TEAD1: variants seen among roughly 807,000 people sequenced by gnomAD.
The protein encoded by TEAD1 is transcriptional enhancer factor TEF-1.
In TEAD1, 9 loss-of-function variants were observed where a neutral mutation model predicts 54.9. The observed-to-expected ratio is 0.16, with a 90% CI of 0.10 to 0.29. The LOEUF is 0.29. Among genes scored for constraint, TEAD1 ranks in the 10% least tolerant of loss-of-function variants. The pLI is 1.00. For synonymous variants in TEAD1, 200 were observed against 187.8 expected, an observed-to-expected ratio of 1.07 and a Z score of -0.53; for missense variants, 387 against 535.9, an observed-to-expected ratio of 0.72 and a Z score of 2.74.
intron 2 of TEAD1, among the ~76,000 whole-genome samples, chr11:12,709,729 C>T (rs1412958823): frequency 1.3e-5 from 2 of 151,988 alleles, no homozygotes; most frequent in African/African-American, 2.4e-5. Context: ...TGCTCTGTTG[C>T]CCGGGGTGGT....
At chr11:12,857,154 G>A (rs1947401691) in intron 3 of TEAD1, among the ~76,000 whole-genome samples, 1 of 152,198 alleles carries the variant, frequency 6.6e-6, no homozygotes, top group South Asian at 2.1e-4. Context: ...AGATGCAAGA[G>A]AAGCCAATGA....
At chr11:12,752,213 G>GTTTTTT (rs35143229) in intron 2 of TEAD1, among the ~76,000 whole-genome samples, 8 of 101,038 alleles carry the variant, frequency 7.9e-5, no homozygotes, top group Non-Finnish European at 1.4e-4. Flanking sequence ...AAACAGGGCA[G>GTTTTTT]TTTTTTTTTT....
chr11:12,823,594 G>A (rs1946594420), intron 3 of TEAD1: 1 of 152,200 alleles, frequency 6.6e-6, no homozygotes, highest in Non-Finnish European at 1.5e-5. Context: ...AGGAAAGAGA[G>A]AGCAGGTGCT....
chr11:12,897,742 A>G (rs1025636668), intron 9 of TEAD1, among the ~76,000 whole-genome samples: 2 of 152,174 alleles, frequency 1.3e-5, no homozygotes, highest in Admixed American at 6.5e-5. Context: ...TGCATTTGTG[A>G]ATCATGTTTG....
At chr11:12,911,413 A>G (rs537539938) in intron 10 of TEAD1, among the ~76,000 whole-genome samples, 3 of 152,298 alleles carry the variant, frequency 2.0e-5, no homozygotes, top group African/African-American at 4.8e-5. Context: ...GTTGCTATTC[A>G]TGGAAGAGGG....
intron 12 of TEAD1, among the ~76,000 whole-genome samples, chr11:12,935,524 A>G (rs866052224): frequency 6.6e-6 from 1 of 151,760 alleles, no homozygotes; most frequent in Non-Finnish European, 1.5e-5. Flanking sequence ...CAGTGGTGCA[A>G]TCTTGGCTCG....
chr11:12,923,863 G>A (rs190239501), intron 10 of TEAD1, among the ~76,000 whole-genome samples: 9 of 152,278 alleles, frequency 5.9e-5, no homozygotes, highest in African/African-American at 2.2e-4. Context: ...TTGCACTGGG[G>A]TTTAAGCTTC....
At chr11:12,933,141 G>A (rs1453603590) in intron 12 of TEAD1, among the ~76,000 whole-genome samples, 4 of 152,110 alleles carry the variant, frequency 2.6e-5, no homozygotes. Flanking sequence ...TGTCCTCATT[G>A]TTAAGCAACT....
At chr11:12,937,009 C>A in intron 12 of TEAD1, 100 bp from the exon 13 acceptor site, 1 of 810,874 alleles carries the variant, frequency 1.2e-6, no homozygotes, top group Non-Finnish European at 2.1e-6. Context: ...CTCTCTTGGA[C>A]TTAAGACTTG....
At chr11:12,914,552 C>A (rs769484251) in intron 10 of TEAD1, among the ~76,000 whole-genome samples, 11 of 152,224 alleles carry the variant, frequency 7.2e-5, no homozygotes, top group African/African-American at 1.2e-4. Flanking sequence ...GGAGCTGTCT[C>A]ACGGTTGGCC....
intron 1 of TEAD1, among the ~76,000 whole-genome samples, chr11:12,675,155 A>G (rs1035458836): frequency 3.9e-4 from 59 of 150,154 alleles, no homozygotes; most frequent in African/African-American, 1.4e-3. Flanking sequence ...CTGCACGCGC[A>G]CACACGCACA....
In TEAD1 at chr11:12,886,720, T is replaced by A. The variant is rs377402727; in HGVS notation, c.699+3595T>A. 2.0e-5 allele frequency among the ~76,000 whole-genome samples: 3 copies of A among 151,898 alleles called. No homozygotes were observed. In the South Asian group the frequency reaches 6.2e-4, roughly 32 times the overall value. ...TGTGTTGCCCAGGCTGGCCTCAAACTCCTGGGCTGAAGTGATCCTCATGTC... is the reference window on the plus strand; with the variant it reads ...TGTGTTGCCCAGGCTGGCCTCAAACACCTGGGCTGAAGTGATCCTCATGTC... On this transcript the variant is annotated intron_variant, in intron 9 of 12. Coordinates refer to ENST00000527636, the MANE Select transcript of TEAD1 (RefSeq NM_021961.6).
At chr11:12,720,991 C>T (rs1412923924) in intron 2 of TEAD1, among the ~76,000 whole-genome samples, 1 of 152,162 alleles carries the variant, frequency 6.6e-6, no homozygotes, top group African/African-American at 2.4e-5. Context: ...CTTGGATTTC[C>T]TTTGGACCTT....
At chr11:12,707,088 A>G (rs1201792089) in intron 2 of TEAD1, among the ~76,000 whole-genome samples, 2 of 148,210 alleles carry the variant, frequency 1.3e-5, no homozygotes, top group East Asian at 4.0e-4. Flanking sequence ...CGGAAGGCTT[A>G]AGGGAAAGAA....
At chr11:12,887,014 A>T (rs1948099199) in intron 9 of TEAD1, among the ~76,000 whole-genome samples, 1 of 151,388 alleles carries the variant, frequency 6.6e-6, no homozygotes, top group Admixed American at 6.6e-5. Flanking sequence ...TTCCTATGTT[A>T]CAAACACTCA....
intron 3 of TEAD1, among the ~76,000 whole-genome samples, chr11:12,819,191 A>G (rs1946476965): frequency 6.6e-6 from 1 of 152,138 alleles, no homozygotes; most frequent in Non-Finnish European, 1.5e-5. Context: ...ATTAAGAGAA[A>G]GGTTTGCATT....
At chr11:12,809,411 A>G (rs1371261230) in intron 3 of TEAD1, among the ~76,000 whole-genome samples, 4 of 152,164 alleles carry the variant, frequency 2.6e-5, no homozygotes, top group African/African-American at 9.7e-5. Context: ...TAAGGGTAAG[A>G]TGCTGCATTT....
intron 3 of TEAD1, among the ~76,000 whole-genome samples, chr11:12,786,914 G>A (rs573140414): frequency 6.6e-6 from 1 of 152,286 alleles, no homozygotes; most frequent in South Asian, 2.1e-4. Flanking sequence ...AGTCTTCTAG[G>A]CAGAGAGCAC....
chr11:12,844,225 G>A (rs964868549), intron 3 of TEAD1, among the ~76,000 whole-genome samples: 4 of 151,940 alleles, frequency 2.6e-5, no homozygotes, highest in Non-Finnish European at 5.9e-5. Context: ...TGGTAGTGCC[G>A]CCATTGTTTT....
Sources: allele counts gnomAD v4.1 joint callset (sites outside exome capture counted in the v4.1 genomes callset), GRCh38; gene constraint gnomAD v4.1.1; transcripts MANE v1.5; gene names NCBI Gene and HGNC (gene_info 2026-07-23, HGNC 2026-07-21).